Variants in CUL2 observed in about 807,000 individuals in gnomAD.
The protein encoded by CUL2 is cullin-2.
Under a neutral mutation model 110.2 loss-of-function variants are expected in CUL2, and 22 were observed. The observed-to-expected ratio is 0.20, with a 90% CI of 0.14 to 0.28. The LOEUF (loss-of-function observed/expected upper bound fraction) is 0.28, where lower values mean the gene tolerates loss of function less well. CUL2 is among the 10% of genes least tolerant of loss of function. The probability of loss-of-function intolerance (pLI) is 1.00; values close to 1 mark genes in which losing one functional copy is unlikely to be tolerated. For synonymous variants in CUL2, 279 were observed against 293.2 expected, an observed-to-expected ratio of 0.95 and a Z score of 0.49; for missense variants, 631 against 905.5, an observed-to-expected ratio of 0.70 and a Z score of 3.89.
chr10:35,100,782 A>G (rs1589061850), intron 2 of CUL2: 1 of 139,094 alleles, frequency 7.2e-6, no homozygotes, highest in African/African-American at 2.7e-5. Flanking sequence ...AAAAAAAAAG[A>G]CCCTACAGTA....
intron 20 of CUL2, 109 bp from the exon 21 acceptor site, chr10:35,010,551 TG>T: frequency 4.9e-6 from 5 of 1,016,790 alleles, no homozygotes; most frequent in Non-Finnish European, 6.7e-6. Context: ...TTTCAACAAA[TG>T]GGCCAAATTA....
chr10:35,039,309 G>C (rs1199273001), intron 8 of CUL2, among the ~76,000 whole-genome samples: 1 of 152,180 alleles, frequency 6.6e-6, no homozygotes, highest in Non-Finnish European at 1.5e-5. Context: ...AAGAACTAAA[G>C]TTAAATAGTC....
intron 17 of CUL2, among the ~76,000 whole-genome samples, chr10:35,020,661 A>G (rs7923217): frequency 0.37 from 56,153 of 151,944 alleles, 10,495 homozygotes; most frequent in African/African-American, 0.43. Flanking sequence ...AGCAATCTCT[A>G]CAACTTCTTG....
intron 18 of CUL2, among the ~76,000 whole-genome samples, chr10:35,015,859 T>TA (rs2085015470): frequency 6.6e-6 from 1 of 152,200 alleles, no homozygotes; most frequent in Admixed American, 6.5e-5. Context: ...AGCACATTTA[T>TA]AAAACCAAAA....
At chr10:35,113,181 CAAAAAA>C (rs71660665) in intron 1 of CUL2, among the ~76,000 whole-genome samples, 2 of 36,636 alleles carry the variant, frequency 5.5e-5, no homozygotes, top group Admixed American at 4.0e-4. Context: ...GACTCCATCT[CAAAAAA>C]AAAAAAAAAA....
Position 35,053,035 on chromosome 10 carries a change from T to C in CUL2, c.423+1399A>G, listed in dbSNP as rs112534332. The stretch of plus-strand genomic sequence containing the variant: ...AAATAACAAAAAAAAAGGCAAGAAA[T>C]ATAGGCTGTAGAACTTTATGTGTGC... On this transcript the variant is annotated intron_variant, in intron 5 of 20. Transcript: ENST00000374749. Among the ~76,000 whole-genome samples, 936 of 149,972 alleles carry C rather than the reference T, an allele frequency of 6.2e-3. 11 individuals are homozygous for C. Among genetic ancestry groups the C allele is most frequent in the African/African-American group, 0.022 (888 of 40,716 alleles).
intron 4 of CUL2, among the ~76,000 whole-genome samples, chr10:35,055,046 G>A (rs766407579): frequency 6.6e-6 from 1 of 152,168 alleles, no homozygotes; most frequent in Admixed American, 6.5e-5. Context: ...TTGTCTACCA[G>A]AGGAAAATGA....
chr10:35,098,081 C>T (rs1449817399), intron 2 of CUL2: 2 of 152,234 alleles, frequency 1.3e-5, no homozygotes, highest in Admixed American at 6.5e-5. Flanking sequence ...ACCAGATGAA[C>T]AGGTTATATC....
intron 6 of CUL2, among the ~76,000 whole-genome samples, chr10:35,048,294 A>C (rs903576280): frequency 1.3e-5 from 2 of 152,188 alleles, no homozygotes; most frequent in African/African-American, 4.8e-5. Flanking sequence ...AGCCGATTAT[A>C]ACAACAAAAA....
chr10:35,040,158 A>G (rs1032036555), intron 8 of CUL2, among the ~76,000 whole-genome samples: 1 of 152,194 alleles, frequency 6.6e-6, no homozygotes, highest in African/African-American at 2.4e-5. Context: ...TGTCTCAAAA[A>G]ATAAATATAA....
chr10:35,057,009 A>G (rs1298030904), intron 4 of CUL2, among the ~76,000 whole-genome samples: 1 of 152,152 alleles, frequency 6.6e-6, no homozygotes, highest in Non-Finnish European at 1.5e-5. Flanking sequence ...GCTCTACTTC[A>G]GTTTCTGGCA....
intron 9 of CUL2, among the ~76,000 whole-genome samples, chr10:35,035,854 CAG>C (rs764329304): frequency 1.3e-5 from 2 of 152,352 alleles, no homozygotes; most frequent in Middle Eastern, 3.4e-3. Context: ...CTGCCAACAG[CAG>C]AGAGTTCCTT....
At chr10:35,051,242 G>A (rs1015356084) in intron 5 of CUL2, among the ~76,000 whole-genome samples, 7 of 148,954 alleles carry the variant, frequency 4.7e-5, no homozygotes, top group African/African-American at 1.7e-4. Flanking sequence ...GTGAACCCGG[G>A]AGGCGGAGCT....
chr10:35,047,701 T>C (rs966572927), intron 6 of CUL2, among the ~76,000 whole-genome samples: 10 of 113,352 alleles, frequency 8.8e-5, no homozygotes, highest in African/African-American at 2.2e-4. Flanking sequence ...TTGGATCTCT[T>C]GAGGTAGGAG....
chr10:35,085,423 C>T (rs2087037447), intron 1 of CUL2, among the ~76,000 whole-genome samples: 1 of 150,220 alleles, frequency 6.7e-6, no homozygotes, highest in African/African-American at 2.5e-5. Flanking sequence ...AAGCGAGACA[C>T]CGTCCCAAAA....
intron 1 of CUL2, among the ~76,000 whole-genome samples, chr10:35,105,208 G>A (rs2087437560): frequency 6.7e-6 from 1 of 149,836 alleles, no homozygotes; most frequent in African/African-American, 2.5e-5. Context: ...GGCGGATCAC[G>A]AGGTCAGGAA....
intron 4 of CUL2, among the ~76,000 whole-genome samples, chr10:35,059,695 A>C (rs1359991387): frequency 1.3e-5 from 2 of 152,188 alleles, no homozygotes; most frequent in Admixed American, 6.5e-5. Context: ...GAATCTACTT[A>C]AGTGAAATAC....
intron 4 of CUL2, among the ~76,000 whole-genome samples, chr10:35,057,832 G>A (rs1030792854): frequency 3.9e-5 from 6 of 151,968 alleles, no homozygotes; most frequent in African/African-American, 1.2e-4. Context: ...AGTGGCTCAC[G>A]CCTGTAATCC....
rs139237399 is a variant in CUL2, at chr10:35,017,309, T to C, written c.1685-915A>G. On this transcript the variant is annotated intron_variant, in intron 17 of 20. Coordinates refer to ENST00000374749, the MANE Select transcript of CUL2 (RefSeq NM_003591.4). ...GACCCATTCTCTTGCTGAAAGTTGATAGCAAAAGAATCTGAATGTTTTCAT... is the reference window on the plus strand; with the variant it reads ...GACCCATTCTCTTGCTGAAAGTTGACAGCAAAAGAATCTGAATGTTTTCAT... Among the ~76,000 whole-genome samples, 387 of 152,046 alleles carry C rather than the reference T, an allele frequency of 2.5e-3. 3 individuals carry two copies. Among genetic ancestry groups the C allele is most frequent in the African/African-American group, 9.0e-3 (371 of 41,290 alleles).
Sources: gnomAD v4.1 joint callset for allele counts (sites outside exome capture counted in the v4.1 genomes callset) on GRCh38, gnomAD v4.1.1 for gene constraint, MANE v1.5 for transcripts, NCBI Gene and HGNC (gene_info 2026-07-23, HGNC 2026-07-21) for gene names.